DAB1: variants seen among roughly 807,000 people sequenced by gnomAD.
DAB1 encodes DAB adaptor protein 1, also known as disabled homolog 1.
Under a neutral mutation model 64.6 loss-of-function variants are expected in DAB1, and 15 were observed. That is an observed-to-expected ratio of 0.23 (90% CI 0.16 to 0.36). The LOEUF (loss-of-function observed/expected upper bound fraction) is 0.36, where lower values mean the gene tolerates loss of function less well. Among genes scored for constraint, DAB1 ranks in the 10% least tolerant of loss-of-function variants. The pLI is 1.00. For missense variants in DAB1, 596 were observed against 706.7 expected (o/e 0.84, Z 1.78); for synonymous variants, 235 against 251.9 (o/e 0.93, Z 0.64).
chr1:57,972,178 C>T (rs929953059), intron 5 of DAB1, among the ~76,000 whole-genome samples: 10 of 152,162 alleles, frequency 6.6e-5, no homozygotes, highest in African/African-American at 2.4e-4. Context: ...GCACTAACCA[C>T]ATAAAACTTA....
chr1:58,349,472 TATG>T (rs1644031180), intron 3 of DAB1, among the ~76,000 whole-genome samples: 1 of 151,906 alleles, frequency 6.6e-6, no homozygotes, highest in Non-Finnish European at 1.5e-5. Context: ...TTACTATTAT[TATG>T]ATATTTTAAG....
At chr1:58,052,249 A>C (rs1570282171) in intron 5 of DAB1, among the ~76,000 whole-genome samples, 1 of 152,226 alleles carries the variant, frequency 6.6e-6, no homozygotes, top group East Asian at 1.9e-4. Context: ...ATCCAGTTTC[A>C]GCTTTCTACA....
At chr1:58,050,231 C>T (rs1647550167) in intron 5 of DAB1, among the ~76,000 whole-genome samples, 1 of 152,194 alleles carries the variant, frequency 6.6e-6, no homozygotes, top group South Asian at 2.1e-4. Flanking sequence ...CCAGTTACAA[C>T]AGGCTCTCGT....
At chr1:58,442,464 G>A (rs1210726576) in intron 3 of DAB1, among the ~76,000 whole-genome samples, 1 of 151,240 alleles carries the variant, frequency 6.6e-6, no homozygotes, top group Non-Finnish European at 1.5e-5. Flanking sequence ...AAACTCCACT[G>A]TGCCTCCTGA....
At chr1:58,312,295 A>C (rs1436238521) in intron 4 of DAB1, among the ~76,000 whole-genome samples, 1 of 152,230 alleles carries the variant, frequency 6.6e-6, no homozygotes, top group Non-Finnish European at 1.5e-5. Flanking sequence ...TTTTCTTCAT[A>C]CATTCTAATA....
At chr1:58,069,389 A>C (rs561605034) in intron 5 of DAB1, among the ~76,000 whole-genome samples, 3 of 152,240 alleles carry the variant, frequency 2.0e-5, no homozygotes, top group Non-Finnish European at 4.4e-5. Context: ...TGATTTAATA[A>C]TAATGATGAA....
intron 7 of DAB1, 73 bp from the exon 8 acceptor site, chr1:57,069,498 T>A: frequency 7.7e-7 from 1 of 1,291,768 alleles, no homozygotes; most frequent in Non-Finnish European, 1.1e-6. Flanking sequence ...ATTTGGAAAT[T>A]AAGATACAAA....
At chr1:58,410,533 G>A (rs1644658322) in intron 3 of DAB1, among the ~76,000 whole-genome samples, 3 of 152,154 alleles carry the variant, frequency 2.0e-5, no homozygotes, top group Admixed American at 2.0e-4. Context: ...CATCCGTCAT[G>A]TCATTTCACC....
chr1:57,516,733 T>G (rs1000830372), intron 7 of DAB1, among the ~76,000 whole-genome samples: 2 of 152,200 alleles, frequency 1.3e-5, no homozygotes, highest in African/African-American at 4.8e-5. Context: ...CTGGTTGGGC[T>G]CCTTGAACGC....
chr1:57,773,293 T>G (rs1557472154), intron 6 of DAB1, among the ~76,000 whole-genome samples: 1 of 151,930 alleles, frequency 6.6e-6, no homozygotes, highest in African/African-American at 2.4e-5. Flanking sequence ...AATGTTCAAA[T>G]ATTTTGCCCA....
chr1:58,378,155 C>T (rs1342086053), intron 3 of DAB1, among the ~76,000 whole-genome samples: 3 of 124,758 alleles, frequency 2.4e-5, no homozygotes, highest in Non-Finnish European at 3.5e-5. Context: ...GTAATTTGAT[C>T]GTCTGAAGCC....
chr1:57,406,079 T>C (rs1336244746), intron 1 of DAB1, among the ~76,000 whole-genome samples: 1 of 152,224 alleles, frequency 6.6e-6, no homozygotes, highest in African/African-American at 2.4e-5. Context: ...ACTCCCCATA[T>C]GTGATGGCAC....
intron 7 of DAB1, among the ~76,000 whole-genome samples, chr1:57,493,149 G>A (rs1393325953): frequency 6.8e-6 from 1 of 146,108 alleles, no homozygotes; most frequent in Non-Finnish European, 1.5e-5. Flanking sequence ...TGTGTGTGTG[G>A]CAAAATATAC....
At chr1:57,305,703 C>T (rs911019808) in intron 1 of DAB1, among the ~76,000 whole-genome samples, 4 of 152,164 alleles carry the variant, frequency 2.6e-5, no homozygotes, top group Non-Finnish European at 2.9e-5. Flanking sequence ...GGCGCAGTGG[C>T]TCACACCTGT....
chr1:58,031,883 G>A (rs1646975212), intron 5 of DAB1, among the ~76,000 whole-genome samples: 1 of 151,946 alleles, frequency 6.6e-6, no homozygotes, highest in African/African-American at 2.4e-5. Context: ...AAATACTCAA[G>A]TGCACGGTGT....
chr1:58,484,290 C>A (rs180741114), intron 3 of DAB1, among the ~76,000 whole-genome samples: 11 of 152,294 alleles, frequency 7.2e-5, no homozygotes, highest in Admixed American at 2.0e-4. Flanking sequence ...TTAAAAAAAT[C>A]TTTTCTCACC....
chr1:57,022,399 C>T (rs1198341516), intron 11 of DAB1, among the ~76,000 whole-genome samples: 1 of 152,130 alleles, frequency 6.6e-6, no homozygotes, highest in African/African-American at 2.4e-5. Context: ...CATCACTATC[C>T]CTTTTTAAAG....
chr1:57,132,197 T>C (rs1462177526), intron 4 of DAB1, among the ~76,000 whole-genome samples: 1 of 151,960 alleles, frequency 6.6e-6, no homozygotes. Flanking sequence ...TATCACACAA[T>C]GACTCACACA....
chr1:57,176,379 C>A (rs1460990374), intron 2 of DAB1, among the ~76,000 whole-genome samples: 2 of 151,962 alleles, frequency 1.3e-5, no homozygotes, highest in Non-Finnish European at 2.9e-5. Flanking sequence ...TGCAGGGAAA[C>A]CCCCGTTTTT....
Sources: allele counts gnomAD v4.1 joint callset (sites outside exome capture counted in the v4.1 genomes callset), GRCh38; gene constraint gnomAD v4.1.1; transcripts MANE v1.5; gene names NCBI Gene and HGNC (gene_info 2026-07-23, HGNC 2026-07-21).